Variants in ADGRV1 observed in about 807,000 individuals in gnomAD.
ADGRV1 encodes adhesion G protein-coupled receptor V1.
A neutral mutation model predicts 596.2 loss-of-function variants in ADGRV1; 359 were observed. That is an observed-to-expected ratio of 0.60 (90% confidence interval 0.55 to 0.66). ADGRV1 has a LOEUF of 0.66. Ranked by LOEUF, ADGRV1 falls within the 30% of genes least tolerant of loss-of-function variation. The probability of loss-of-function intolerance (pLI) is 0.00; values close to 1 mark genes in which losing one functional copy is unlikely to be tolerated. For synonymous variants in ADGRV1, 2,681 were observed against 2,679.2 expected (o/e 1.00, Z -0.02); for missense variants, 7,274 against 7,575.6 (o/e 0.96, Z 1.48).
chr5:90,700,070 T>TC (rs1747709116), intron 34 of ADGRV1, among the ~76,000 whole-genome samples: 1 of 152,178 alleles, frequency 6.6e-6, no homozygotes, highest in African/African-American at 2.4e-5. Context: ...ATTATTTTTT[T>TC]CAAAAACATA....
intron 85 of ADGRV1, among the ~76,000 whole-genome samples, chr5:91,025,630 C>T (rs1304275496): frequency 6.6e-6 from 1 of 152,134 alleles, no homozygotes; most frequent in Non-Finnish European, 1.5e-5. Context: ...CGGTAGAGTA[C>T]CCGTCTCCCC....
intron 75 of ADGRV1, among the ~76,000 whole-genome samples, chr5:90,819,044 C>G (rs1038441939): frequency 6.6e-6 from 1 of 152,114 alleles, no homozygotes; most frequent in African/African-American, 2.4e-5. Context: ...CCATCTGGTC[C>G]TGGACTCTTT....
In ADGRV1 at chr5:90,970,934, C is replaced by T. The variant is rs1392759929; in HGVS notation, c.17973+5403C>T. 2.6e-5 allele frequency among the ~76,000 whole-genome samples: 4 copies of T among 152,038 alleles called. No individual in the cohort carries two copies. The South Asian group carries it at 6.2e-4, about 24-fold the overall frequency. On this transcript the variant is annotated intron_variant, in intron 84 of 89. Transcript: ENST00000405460. Reference sequence around the variant, plus strand: ...GCTAAAGGAGGAAGTTTGAACCCATCGCAAAGAAGCTAAAAACCTTGAAAA... The same window carrying T: ...GCTAAAGGAGGAAGTTTGAACCCATTGCAAAGAAGCTAAAAACCTTGAAAA...
At chr5:90,662,065 G>A (rs148664271) in intron 21 of ADGRV1, among the ~76,000 whole-genome samples, 2 of 151,830 alleles carry the variant, frequency 1.3e-5, no homozygotes, top group East Asian at 1.9e-4. Flanking sequence ...CTTTTTAAAT[G>A]AAAGTTTTCA....
At chr5:90,760,224 C>T (rs182884687) in intron 58 of ADGRV1, among the ~76,000 whole-genome samples, 2 of 144,884 alleles carry the variant, frequency 1.4e-5, no homozygotes, top group Admixed American at 7.0e-5. Flanking sequence ...TGCAGTGAGC[C>T]GAGATCACGC....
chr5:90,990,898 G>A (rs2151070564), intron 85 of ADGRV1, among the ~76,000 whole-genome samples: 1 of 152,162 alleles, frequency 6.6e-6, no homozygotes, highest in Middle Eastern at 3.4e-3. Flanking sequence ...ACAGATTCTT[G>A]GCTACTTTAG....
chr5:91,050,182 C>T (rs1311719407), intron 85 of ADGRV1, among the ~76,000 whole-genome samples: 2 of 152,172 alleles, frequency 1.3e-5, no homozygotes, highest in African/African-American at 2.4e-5. Flanking sequence ...GGTATCTTGA[C>T]ATTTGAGGAC....
intron 87 of ADGRV1, among the ~76,000 whole-genome samples, chr5:91,122,827 C>T (rs1459975343): frequency 6.6e-6 from 1 of 152,202 alleles, no homozygotes; most frequent in Non-Finnish European, 1.5e-5. Context: ...AGCTTGTGTT[C>T]TTTTGCTGAG....
Position 90,745,798 on chromosome 5 carries a change from A to T in ADGRV1, c.10974+3A>T. 6 of 1,525,212 alleles carry T rather than the reference A, an allele frequency of 3.9e-6. No individual in the cohort carries two copies. Among genetic ancestry groups the T allele is most frequent in the Non-Finnish European group, 5.4e-6 (6 of 1,101,558 alleles). 94.5% of individuals were successfully genotyped at this position (1,525,212 alleles called of 1,614,324 possible). ...ATGGAATTGTTGCATTTGCTCAGGT[A>T]ATGATACTGAAGACCCCACACTTGC... On this transcript the variant is annotated splice_donor_region_variant and intron_variant, in intron 52 of 89. Transcript: ENST00000405460.
chr5:90,802,198 T>G (rs972030789), intron 70 of ADGRV1, among the ~76,000 whole-genome samples: 62 of 152,044 alleles, frequency 4.1e-4, no homozygotes, highest in Admixed American at 1.3e-3. Flanking sequence ...GTGTTTTTTT[T>G]GTTTAGTTTT....
At position 90,627,682 on chromosome 5, in the gene ADGRV1, A is replaced by T; in HGVS notation, c.1144A>T (p.Thr382Ser). Residue 382 changes from threonine to serine, a missense_variant, in exon 7 of 90, where the codon ACC becomes TCC. Thr to Ser is a moderately conservative substitution (Grantham distance 58, BLOSUM62 1). Around this residue, in one of 5 missense-constraint regions of ADGRV1, gnomAD observed 1,715 missense variants for 1,708.8 expected, o/e 1.00. Transcript: ENST00000405460. ...VLISPSVVQV[T>S]IKPNDKPYGV... ...AATAAGCCCTTCTGTTGTACAAGTC[A>T]CCATTAAGCCAAATGATAAACCTTA... 1 of 1,613,556 alleles carries T rather than the reference A, an allele frequency of 6.2e-7. No individual in the cohort carries two copies. The highest frequency in any genetic ancestry group is 8.5e-7 in the Non-Finnish European group (1 of 1,179,694).
chr5:91,120,955 C>T (rs1341890265), intron 87 of ADGRV1, among the ~76,000 whole-genome samples: 1 of 152,168 alleles, frequency 6.6e-6, no homozygotes, highest in Non-Finnish European at 1.5e-5. Context: ...GGGCGGGTCA[C>T]TTGAGGTTAG....
At chr5:91,010,328 A>G (rs1782622526) in intron 85 of ADGRV1, among the ~76,000 whole-genome samples, 1 of 152,138 alleles carries the variant, frequency 6.6e-6, no homozygotes. Context: ...TCCATCTTCT[A>G]AAAGAAAAGG....
chr5:90,833,295 G>A (rs1764675119), intron 77 of ADGRV1, among the ~76,000 whole-genome samples: 1 of 151,800 alleles, frequency 6.6e-6, no homozygotes, highest in Admixed American at 6.6e-5. Context: ...GATTTGTTTT[G>A]GTTTTTTGAG....
chr5:90,690,647 G>A, intron 30 of ADGRV1, 150 bp from the exon 31 acceptor site: 1 of 779,104 alleles, frequency 1.3e-6, no homozygotes, highest in Non-Finnish European at 2.0e-6. Context: ...AGACCAATTT[G>A]TATCACAGCA....
At position 90,713,901 on chromosome 5, in the gene ADGRV1, C is replaced by T. The variant is rs1749725594; in HGVS notation, c.9184+1473C>T. Among the ~76,000 whole-genome samples, 3 of 152,118 alleles carry T rather than the reference C, an allele frequency of 2.0e-5. No individual in the cohort carries two copies. The South Asian group carries it at 6.2e-4, about 31-fold the overall frequency. ...TCTATTTTTAAAGATTAAGAAATTC[C>T]TCAGAGCAAAAAGTGCTTTGACAGT... is the stretch of plus-strand genomic sequence containing the variant. On this transcript the variant is annotated intron_variant, in intron 42 of 89. Coordinates refer to ENST00000405460, the MANE Select transcript of ADGRV1 (RefSeq NM_032119.4).
chr5:91,028,735 T>C (rs1272222890), intron 85 of ADGRV1, among the ~76,000 whole-genome samples: 1 of 146,882 alleles, frequency 6.8e-6, no homozygotes, highest in East Asian at 2.0e-4. Context: ...AGACTCTGTT[T>C]TTTTTTTTTT....
In ADGRV1 at chr5:90,810,388, A is replaced by G; in HGVS notation, c.15128A>G (p.Gln5043Arg). 1 of 1,613,908 alleles carries G rather than the reference A, an allele frequency of 6.2e-7. No individual in the cohort carries two copies. The highest frequency in any genetic ancestry group is 8.5e-7 in the Non-Finnish European group (1 of 1,179,846). Reference sequence around the variant, plus strand: ...AGCGATCTTATTAAAGTTTCTTATCAGACCACTGCAGGAAGCGCCAAGCCA... The same window carrying G: ...AGCGATCTTATTAAAGTTTCTTATCGGACCACTGCAGGAAGCGCCAAGCCA... The part of the protein sequence containing the change: ...FHSDLIKVSY[Q>R]TTAGSAKPLE... The change falls in exon 74 of 90, where the codon CAG (glutamine) becomes CGG (arginine). Residue 5043 changes from glutamine to arginine, a missense_variant. By Grantham distance (43) the Gln-to-Arg change is conservative. This residue lies in a region of ADGRV1 where 1,874 missense variants were observed against 1,970.2 expected (regional missense o/e 0.95). Transcript: ENST00000405460.
chr5:91,032,020 G>A (rs1784522198), intron 85 of ADGRV1, among the ~76,000 whole-genome samples: 2 of 152,232 alleles, frequency 1.3e-5, no homozygotes, highest in Admixed American at 6.5e-5. Context: ...CACATGTTGG[G>A]AGCAGCATGC....
Sources: gnomAD v4.1 joint callset for allele counts (sites outside exome capture counted in the v4.1 genomes callset) on GRCh38, gnomAD v4.1.1 for gene constraint, gnomAD v4.1.1 regional missense constraint, MANE v1.5 for transcripts, NCBI Gene and HGNC (gene_info 2026-07-23, HGNC 2026-07-21) for gene names.